NVL: variants seen among roughly 807,000 people sequenced by gnomAD.
NVL encodes nuclear VCP like.
In NVL, 84 loss-of-function variants were observed where a neutral mutation model predicts 110.2. The ratio of observed to expected loss-of-function variants is 0.76; its 90% confidence interval spans 0.64 to 0.91. The LOEUF is 0.91. Among genes scored for constraint, NVL ranks in the 40% least tolerant of loss-of-function variants. The pLI is 0.00. For synonymous variants in NVL, 354 were observed against 361.1 expected, an observed-to-expected ratio of 0.98 and a Z score of 0.22; for missense variants, 882 against 1,035.9, an observed-to-expected ratio of 0.85 and a Z score of 2.04.
rs1232297495 is a variant in NVL at position 224,275,335 on chromosome 1, T to C, written c.2082+4A>G. The C allele has an allele frequency of 1.3e-5, 21 of 1,614,158 alleles. No homozygotes were observed. Among genetic ancestry groups the C allele is most frequent in the Middle Eastern group, 3.3e-4 (2 of 6,062 alleles). On this transcript the variant is annotated splice_donor_region_variant and intron_variant, in intron 17 of 22. Coordinates refer to ENST00000281701, the MANE Select transcript of NVL (RefSeq NM_002533.4). ...TCTGAAAACCACTAGTCCATGATACTTACCTCTCGGTCTGATCTTCGAGGA... is the reference window on the plus strand; with the variant it reads ...TCTGAAAACCACTAGTCCATGATACCTACCTCTCGGTCTGATCTTCGAGGA...
rs548311922 is a variant in NVL, at chr1:224,274,154, G to A, written c.2082+1185C>T. Among the ~76,000 whole-genome samples the A allele has an allele frequency of 7.2e-4, 110 of 151,938 alleles. 1 individual carries two copies. Among genetic ancestry groups the A allele is most frequent in the African/African-American group, 2.5e-3 (105 of 41,436 alleles). ...AAAACTACAAAAATTAGCCAGGTGC[G>A]GTGGCGGGCGCCTGTAATCCCAGCT... is the stretch of plus-strand genomic sequence containing the variant. On this transcript the variant is annotated intron_variant, in intron 17 of 22. Transcript: ENST00000281701.
At chr1:224,292,479 G>A (rs1425143151) in intron 12 of NVL, among the ~76,000 whole-genome samples, 1 of 152,166 alleles carries the variant, frequency 6.6e-6, no homozygotes, top group Non-Finnish European at 1.5e-5. Context: ...AGGAGGCAGA[G>A]GTGGAATAAT....
chr1:224,243,266 C>T (rs1661409687), intron 19 of NVL, among the ~76,000 whole-genome samples: 1 of 151,166 alleles, frequency 6.6e-6, no homozygotes, highest in Non-Finnish European at 1.5e-5. Flanking sequence ...TCAAAACCAG[C>T]CTGGGCAACA....
intron 10 of NVL, among the ~76,000 whole-genome samples, chr1:224,298,996 T>C (rs1668144426): frequency 6.6e-6 from 1 of 152,144 alleles, no homozygotes; most frequent in African/African-American, 2.4e-5. Flanking sequence ...TGAAGAAAAT[T>C]ATCTAGATTT....
intron 18 of NVL, among the ~76,000 whole-genome samples, chr1:224,262,305 CAGCT>C (rs1395372176): frequency 6.6e-6 from 1 of 151,956 alleles, no homozygotes; most frequent in Non-Finnish European, 1.5e-5. Flanking sequence ...AATTATATCC[CAGCT>C]AGGTTACTAA....
intron 10 of NVL, among the ~76,000 whole-genome samples, chr1:224,297,940 C>T (rs1161469938): frequency 6.7e-6 from 1 of 149,988 alleles, no homozygotes; most frequent in Non-Finnish European, 1.5e-5. Context: ...CCCAGCTACT[C>T]GGGAGGCTGA....
At chr1:224,260,471 T>C (rs185852436) in intron 18 of NVL, among the ~76,000 whole-genome samples, 32 of 152,062 alleles carry the variant, frequency 2.1e-4, no homozygotes, top group African/African-American at 7.2e-4. Context: ...TTGGCCAGGA[T>C]AGTCTCGATC....
chr1:224,286,497 C>T lies in NVL; in HGVS notation c.1795-367G>A, dbSNP rs1248138194. 2.0e-5 allele frequency among the ~76,000 whole-genome samples: 3 copies of T among 152,204 alleles called. No individual in the cohort carries two copies. The South Asian group carries it at 6.2e-4, about 32-fold the overall frequency. On this transcript the variant is annotated intron_variant, in intron 14 of 22. Transcript: ENST00000281701. ...CTGGGATTACAGGCATGAGCCACTG[C>T]GCCCAGCTTCTCAGGCTTATTTTCA...
At chr1:224,262,916 C>T (rs1362090348) in intron 18 of NVL, among the ~76,000 whole-genome samples, 5 of 152,178 alleles carry the variant, frequency 3.3e-5, no homozygotes, top group African/African-American at 1.2e-4. Flanking sequence ...TATTACAATA[C>T]TGGGAGAATG....
intron 17 of NVL, chr1:224,269,927 TTTTTCTTTC>T (rs1664897020): frequency 1.7e-5 from 1 of 60,464 alleles, no homozygotes; most frequent in Non-Finnish European, 2.8e-5. Context: ...TTTTTCTCTC[TTTTTCTTTC>T]TTTTTTTTTT....
intron 2 of NVL, among the ~76,000 whole-genome samples, chr1:224,322,485 T>C (rs1267049343): frequency 6.6e-6 from 1 of 152,150 alleles, no homozygotes; most frequent in Non-Finnish European, 1.5e-5. Flanking sequence ...CTTTCTGTCT[T>C]AGTTTCTCTT....
intron 16 of NVL, among the ~76,000 whole-genome samples, chr1:224,278,867 G>A (rs1423274565): frequency 6.6e-6 from 1 of 152,040 alleles, no homozygotes; most frequent in Admixed American, 6.6e-5. Flanking sequence ...CAAGGAGATG[G>A]GACTACAGGT....
intron 22 of NVL, 182 bp from the exon 23 acceptor site, chr1:224,227,852 T>C: frequency 5.1e-6 from 2 of 390,470 alleles, no homozygotes; most frequent in East Asian, 4.5e-5. Context: ...TAGACTCTTA[T>C]CCAATATGAC....
At chr1:224,238,506 G>T (rs1660788585) in intron 19 of NVL, among the ~76,000 whole-genome samples, 1 of 152,202 alleles carries the variant, frequency 6.6e-6, no homozygotes, top group Admixed American at 6.5e-5. Flanking sequence ...TTCAAGAACT[G>T]CATAAATTAT....
intron 16 of NVL, 53 bp from the exon 17 acceptor site, chr1:224,275,511 G>A: frequency 6.2e-7 from 1 of 1,610,208 alleles, no homozygotes; most frequent in Non-Finnish European, 8.5e-7. Flanking sequence ...TTTGTGGTTT[G>A]GGTCAAATGA....
At chr1:224,286,168 C>T (rs771805524) in intron 14 of NVL, 38 bp from the exon 15 acceptor site, 2 of 1,381,736 alleles carry the variant, frequency 1.4e-6, no homozygotes, top group Admixed American at 3.5e-5. Flanking sequence ...CATTACATGT[C>T]CATTTTATAC....
At chr1:224,288,106 G>T in intron 13 of NVL, 113 bp from the exon 14 acceptor site, 1 of 712,374 alleles carries the variant, frequency 1.4e-6, no homozygotes, top group Non-Finnish European at 2.3e-6. Context: ...AAGCTATCCT[G>T]AACGTCTATG....
chr1:224,300,479 A>G, intron 10 of NVL, 83 bp downstream of exon 10: 2 of 947,118 alleles, frequency 2.1e-6, no homozygotes, highest in Non-Finnish European at 3.2e-6. Flanking sequence ...GTGGGTTAAC[A>G]AATACTAGCA....
chr1:224,322,243 ATTTT>A (rs34841668), intron 2 of NVL, among the ~76,000 whole-genome samples: 3 of 131,788 alleles, frequency 2.3e-5, no homozygotes, highest in Non-Finnish European at 1.6e-5. Flanking sequence ...TGCCACGCTA[ATTTT>A]TTTTTTTTTT....
Sources: gnomAD v4.1 joint callset for allele counts (sites outside exome capture counted in the v4.1 genomes callset) on GRCh38, gnomAD v4.1.1 for gene constraint, MANE v1.5 for transcripts, NCBI Gene and HGNC (gene_info 2026-07-23, HGNC 2026-07-21) for gene names.